NCAM2: variants seen among roughly 807,000 people sequenced by gnomAD.
NCAM2 encodes neural cell adhesion molecule 2, also known as N-CAM-2.
A neutral mutation model predicts 98.1 loss-of-function variants in NCAM2; 30 were observed. That is an observed-to-expected ratio of 0.31 (90% CI 0.23 to 0.41). The LOEUF (loss-of-function observed/expected upper bound fraction) is 0.41, where lower values mean the gene tolerates loss of function less well. Among genes scored for constraint, NCAM2 ranks in the 10% least tolerant of loss-of-function variants. The pLI, the probability that NCAM2 is intolerant of heterozygous loss-of-function variation, is 1.00. For synonymous variants in NCAM2, 368 were observed against 342.4 expected (o/e 1.07, Z -0.83); for missense variants, 867 against 1,005.8 (o/e 0.86, Z 1.87).
intron 8 of NCAM2, among the ~76,000 whole-genome samples, chr21:21,357,447 T>C (rs1397867602): frequency 6.6e-6 from 1 of 152,098 alleles, no homozygotes; most frequent in African/African-American, 2.4e-5. Context: ...TCACCTCAAA[T>C]AGAAATCACC....
chr21:21,322,826 G>C (rs2074411782), intron 5 of NCAM2, among the ~76,000 whole-genome samples: 1 of 152,156 alleles, frequency 6.6e-6, no homozygotes, highest in Admixed American at 6.6e-5. Context: ...AGGTAAATCA[G>C]TCTGTCAAAT....
chr21:21,410,184 T>C (rs1805374622), intron 9 of NCAM2, 90 bp from the exon 10 acceptor site: 2 of 715,562 alleles, frequency 2.8e-6, no homozygotes, highest in Admixed American at 4.0e-5. Flanking sequence ...CTTCTTTTTA[T>C]ACAGTAGAAA....
At chr21:21,168,419 A>T (rs536233530) in intron 1 of NCAM2, among the ~76,000 whole-genome samples, 3 of 152,210 alleles carry the variant, frequency 2.0e-5, no homozygotes, top group African/African-American at 7.2e-5. Context: ...AGCGCTTTTC[A>T]TCATTGTACT....
At chr21:21,272,836 T>C (rs1279752107) in intron 1 of NCAM2, among the ~76,000 whole-genome samples, 3 of 152,006 alleles carry the variant, frequency 2.0e-5, no homozygotes, top group Admixed American at 1.3e-4. Context: ...AATTTTGATA[T>C]GCCAAATTTG....
chr21:21,391,144 G>A (rs933885647), intron 9 of NCAM2, among the ~76,000 whole-genome samples: 3 of 152,096 alleles, frequency 2.0e-5, no homozygotes, highest in Admixed American at 1.3e-4. Flanking sequence ...TTTGAACACA[G>A]ACGTTCAAGA....
chr21:21,422,611 G>T (rs1036520404), intron 11 of NCAM2, among the ~76,000 whole-genome samples: 2 of 151,930 alleles, frequency 1.3e-5, no homozygotes, highest in Non-Finnish European at 2.9e-5. Flanking sequence ...TAGAACATTG[G>T]GGGGAAAAAG....
intron 1 of NCAM2, among the ~76,000 whole-genome samples, chr21:21,229,448 C>T (rs1366155433): frequency 1.3e-5 from 2 of 151,400 alleles, no homozygotes; most frequent in Non-Finnish European, 3.0e-5. Context: ...TTAATAAATA[C>T]TTTCTATTGC....
intron 1 of NCAM2, among the ~76,000 whole-genome samples, chr21:21,255,360 G>A (rs1053411328): frequency 6.6e-6 from 1 of 152,168 alleles, no homozygotes; most frequent in Non-Finnish European, 1.5e-5. Flanking sequence ...AGGATCTAAG[G>A]CTGCCCGTTT....
At chr21:21,289,537 G>A (rs758529084) in intron 4 of NCAM2, among the ~76,000 whole-genome samples, 1 of 151,922 alleles carries the variant, frequency 6.6e-6, no homozygotes, top group South Asian at 2.1e-4. Flanking sequence ...CAGGAAGAGG[G>A]AAGACCATGT....
intron 1 of NCAM2, among the ~76,000 whole-genome samples, chr21:21,026,398 C>T (rs2064545342): frequency 1.3e-5 from 2 of 152,312 alleles, no homozygotes; most frequent in South Asian, 4.1e-4. Context: ...GTGGCTCACG[C>T]CTGTAATCCC....
intron 15 of NCAM2, among the ~76,000 whole-genome samples, chr21:21,482,318 G>A (rs1985964802): frequency 6.6e-6 from 1 of 151,860 alleles, no homozygotes; most frequent in Admixed American, 6.6e-5. Flanking sequence ...TATGAAAAAA[G>A]ATCATATAAT....
At position 21,295,898 on chromosome 21, in the gene NCAM2, A is replaced by G. The variant is rs536129898; in HGVS notation, c.619+3657A>G. Among the ~76,000 whole-genome samples, 10 of 151,776 alleles carry G rather than the reference A, an allele frequency of 6.6e-5. No individual in the cohort carries two copies. In the East Asian group the frequency reaches 2.0e-3, roughly 30 times the overall value. ...TTTAAGCACCATCTGACCTAGGTGT[A>G]CTTTTGAAATTACTTACCTTGGTGT... is the stretch of plus-strand genomic sequence containing the variant. On this transcript the variant is annotated intron_variant, in intron 5 of 17. Transcript: ENST00000400546.
At chr21:21,488,643 A>G (rs1986592634) in intron 15 of NCAM2, among the ~76,000 whole-genome samples, 1 of 151,968 alleles carries the variant, frequency 6.6e-6, no homozygotes, top group Non-Finnish European at 1.5e-5. Flanking sequence ...AGTATTATGC[A>G]TGATAACATT....
chr21:21,306,099 G>T (rs902570176), intron 5 of NCAM2, among the ~76,000 whole-genome samples: 2 of 152,078 alleles, frequency 1.3e-5, no homozygotes, highest in African/African-American at 4.8e-5. Flanking sequence ...AATGAGGTCA[G>T]AGAACATACT....
intron 1 of NCAM2, among the ~76,000 whole-genome samples, chr21:21,040,724 T>C (rs991781468): frequency 6.6e-6 from 1 of 152,158 alleles, no homozygotes; most frequent in Non-Finnish European, 1.5e-5. Flanking sequence ...ATATGGAAGC[T>C]AAAAAGTTTA....
At chr21:21,039,371 G>T (rs913107971) in intron 1 of NCAM2, among the ~76,000 whole-genome samples, 3 of 152,132 alleles carry the variant, frequency 2.0e-5, no homozygotes, top group Non-Finnish European at 4.4e-5. Flanking sequence ...AAGTTCTAAT[G>T]TTCAGTAGTA....
intron 1 of NCAM2, among the ~76,000 whole-genome samples, chr21:21,268,274 A>G (rs2072360812): frequency 6.6e-6 from 1 of 152,168 alleles, no homozygotes; most frequent in African/African-American, 2.4e-5. Context: ...TCACGGAGGA[A>G]TTTCTCACAG....
At chr21:21,429,257 G>A (rs1274182384) in intron 11 of NCAM2, among the ~76,000 whole-genome samples, 5 of 152,162 alleles carry the variant, frequency 3.3e-5, no homozygotes, top group African/African-American at 9.7e-5. Flanking sequence ...AAAAACAAAG[G>A]CTCTTCTTTC....
intron 1 of NCAM2, among the ~76,000 whole-genome samples, chr21:21,249,410 C>T (rs967165605): frequency 3.3e-5 from 5 of 152,216 alleles, no homozygotes; most frequent in African/African-American, 4.8e-5. Flanking sequence ...TGAAACAATA[C>T]CCACCTGCCC....
Sources: gnomAD v4.1 joint callset for allele counts (sites outside exome capture counted in the v4.1 genomes callset) on GRCh38, gnomAD v4.1.1 for gene constraint, MANE v1.5 for transcripts, NCBI Gene and HGNC (gene_info 2026-07-23, HGNC 2026-07-21) for gene names.